Variants in ACE observed in about 807,000 individuals in gnomAD.
The protein encoded by ACE is angiotensin I converting enzyme.
ACE carries 122 observed loss-of-function variants against 162.3 expected under a neutral mutation model. That is an observed-to-expected ratio of 0.75 (90% CI 0.65 to 0.87). The LOEUF is 0.87. ACE is among the 40% of genes least tolerant of loss of function. The pLI, the probability that ACE is intolerant of heterozygous loss-of-function variation, is 0.00. For synonymous variants in ACE, 796 were observed against 720.6 expected (o/e 1.10, Z -1.68); for missense variants, 1,799 against 1,735.1 (o/e 1.04, Z -0.65).
Position 63,483,508 on chromosome 17 carries a change from C to G in ACE, c.1536C>G (p.His512Gln). The change falls in exon 10 of 25, where the codon CAC becomes CAG. Residue 512 changes from histidine to glutamine, a missense_variant. Physicochemically the swap from His to Gln is conservative, Grantham distance 24. Transcript: ENST00000290866. ...CTCCTGTTACCCGAAACGAAACCCA[C>G]TTTGATGCTGGAGCTAAGTTTCATG... ...ICPPVTRNETHFDAGAKFHVP... is the reference protein window; with the variant it reads ...ICPPVTRNETQFDAGAKFHVP... 6.2e-7 allele frequency: 1 copy of G among 1,614,186 alleles called. No individual in the cohort carries two copies. The highest frequency in any genetic ancestry group is 8.5e-7 in the Non-Finnish European group (1 of 1,180,048).
At chr17:63,496,027 A>G (rs905481054) in intron 22 of ACE, 3 of 344,888 alleles carry the variant, frequency 8.7e-6, no homozygotes, top group Non-Finnish European at 1.1e-5. Context: ...CACACGGCCC[A>G]TTTGGCCACA....
chr17:63,495,027 G>C (rs2030643357), intron 22 of ACE, among the ~76,000 whole-genome samples: 1 of 152,140 alleles, frequency 6.6e-6, no homozygotes, highest in Admixed American at 6.5e-5. Context: ...CTCAATTTCT[G>C]TGAGCTTCCA....
chr17:63,492,617 C>T (rs1394824687), intron 19 of ACE, among the ~76,000 whole-genome samples: 2 of 152,216 alleles, frequency 1.3e-5, no homozygotes, highest in Non-Finnish European at 2.9e-5. Context: ...CTGGGCAGCT[C>T]TTCCTTCCCC....
intron 22 of ACE, 130 bp downstream of exon 22, chr17:63,494,600 A>G: frequency 2.5e-6 from 2 of 811,778 alleles, no homozygotes; most frequent in Non-Finnish European, 2.1e-6. Context: ...CGCACGGTGC[A>G]GGTGCCTGGG....
rs1023118441 is a variant in ACE at position 63,497,981 on chromosome 17, C to G, written c.*615C>G. 2 of 196,254 alleles carry G rather than the reference C, an allele frequency of 1.0e-5. No individual in the cohort carries two copies. The highest frequency in any genetic ancestry group is 2.4e-5 in the African/African-American group (1 of 42,164). The allele number at this position is 196,254 out of a possible 1,614,324, so 12.2% of individuals were successfully genotyped here. ...CCAGGGGAAGGCTTCCGGCTGTTATCGGCTGCCTCAGGGGGCGAGTACCTT... is the reference window on the plus strand; with the variant it reads ...CCAGGGGAAGGCTTCCGGCTGTTATGGGCTGCCTCAGGGGGCGAGTACCTT... On this transcript the variant is annotated 3_prime_UTR_variant, in exon 25 of 25. Transcript: ENST00000290866.
Position 63,483,108 on chromosome 17 carries a change from G to A in ACE, c.1422G>A (p.Trp474Ter). 3 of 1,614,130 alleles carry A rather than the reference G, an allele frequency of 1.9e-6. No homozygotes were observed. The highest frequency in any genetic ancestry group is 2.5e-6 in the Non-Finnish European group (3 of 1,180,034). ...CCTTTGGCTACTTGGTGGACCAGTG[G>A]CGCTGGGGGGTCTTTAGTGGGCGTA... ...FLPFGYLVDQ[W>*]RWGVFSGRTP... The change falls in exon 9 of 25, where the codon TGG (tryptophan) becomes TGA (stop). Residue 474 changes from tryptophan to a stop codon, truncating the protein, a stop_gained. Coordinates refer to ENST00000290866, the MANE Select transcript of ACE (RefSeq NM_000789.4). LOFTEE classifies it high-confidence loss of function.
chr17:63,478,848 T>C (rs1041416479), intron 2 of ACE, 159 bp from the exon 3 acceptor site: 2 of 688,394 alleles, frequency 2.9e-6, no homozygotes, highest in Non-Finnish European at 5.3e-6. Context: ...AGTGATCCGG[T>C]CACACTAAGT....
In ACE at chr17:63,490,959, A is replaced by AT; in HGVS notation, c.2648dup (p.Met883IlefsTer11). The AT allele has an allele frequency of 6.2e-7, 1 of 1,614,120 alleles. No homozygotes were observed. The highest frequency in any genetic ancestry group is 8.5e-7 in the Non-Finnish European group (1 of 1,179,982). On this transcript the variant is annotated frameshift_variant, in exon 18 of 25. Coordinates refer to ENST00000290866, the MANE Select transcript of ACE (RefSeq NM_000789.4). LOFTEE classifies it high-confidence loss of function. ...TCCCCCACACTCGCCTCCAGGGAAC[A>AT]TGTGGGCGCAGACCTGGTCCAACAT...
Position 63,484,530 on chromosome 17 carries a change from C to T in ACE, c.1910C>T (p.Pro637Leu), listed in dbSNP as rs767112824. 1.4e-5 allele frequency: 23 copies of T among 1,611,382 alleles called. No individual in the cohort carries two copies. The East Asian group carries it at 2.9e-4, about 20-fold the overall frequency. ...QWHPPLPDNY[P>L]EGIDLVTDEA... ...CACCCGCCGTTGCCTGACAACTACC[C>T]GGAGGGCATAGGTAAAGCCCTGAGT... The change falls in exon 12 of 25, where the codon CCG becomes CTG. Residue 637 changes from proline (P) to leucine (L), a missense_variant. Pro to Leu is a moderately conservative substitution (Grantham distance 98, BLOSUM62 -3). Coordinates refer to ENST00000290866, the MANE Select transcript of ACE (RefSeq NM_000789.4). This position sits in a 1 kb window ranked among gnomAD's most constrained non-coding sequence, Gnocchi z 4.0.
intron 1 of ACE, 173 bp from the exon 2 acceptor site, chr17:63,477,758 C>G (rs1168795526): frequency 4.0e-6 from 3 of 745,914 alleles, no homozygotes; most frequent in Non-Finnish European, 6.5e-6. Flanking sequence ...AGATTCCCTC[C>G]AGAAGGAGGA....
intron 5 of ACE, among the ~76,000 whole-genome samples, 184 bp from the exon 6 acceptor site, chr17:63,480,907 G>A (rs776583781): frequency 2.0e-5 from 3 of 152,236 alleles, no homozygotes; most frequent in Non-Finnish European, 4.4e-5. Flanking sequence ...GCAGCCCCAG[G>A]ACATGTGGCC....
Position 63,493,430 on chromosome 17 carries a change from TC to T in ACE, c.2913-4del. Reference sequence around the variant, plus strand: ...AACACCCTCTCCCCCACTCCACTATTCCTAGGATCAAGCAGTGCACCACCGT... The same window carrying T: ...AACACCCTCTCCCCCACTCCACTATTCTAGGATCAAGCAGTGCACCACCGT... On this transcript the variant is annotated splice_polypyrimidine_tract_variant and splice_region_variant and intron_variant, in intron 19 of 24. Transcript: ENST00000290866. The T allele has an allele frequency of 2.5e-6, 4 of 1,613,688 alleles. No homozygotes were observed. The highest frequency in any genetic ancestry group is 2.5e-6 in the Non-Finnish European group (3 of 1,179,832).
At position 63,483,567 on chromosome 17, in the gene ACE, G is replaced by GCGGGGGCCCGCCCCCCC; in HGVS notation, c.1586+10_1586+11insGGGGGCCCGCCCCCCCC. 6.3e-7 allele frequency: 1 copy of GCGGGGGCCCGCCCCCCC among 1,589,582 alleles called. No individual in the cohort carries two copies. Among genetic ancestry groups the GCGGGGGCCCGCCCCCCC allele is most frequent in the Non-Finnish European group, 8.6e-7 (1 of 1,165,688 alleles). ...GTGACACCATACATCAGGTATTAGC[G>GCGGGGGCCCGCCCCCCC]CCCCCACCCCACCCACCCCCAGTAC... On this transcript the variant is annotated intron_variant, in intron 10 of 24. Transcript: ENST00000290866.
In ACE at chr17:63,484,038, G is replaced by A; in HGVS notation, c.1709+67G>A. On this transcript the variant is annotated intron_variant, in intron 11 of 24. Coordinates refer to ENST00000290866, the MANE Select transcript of ACE (RefSeq NM_000789.4). This position sits in a 1 kb window ranked among gnomAD's most constrained non-coding sequence, Gnocchi z 4.0. ...GCGGCTGGCAAAGGGTGTGGCAGGA[G>A]GTGTCTGGCTGCTCTGATGGGGTGG... 4 of 1,548,858 alleles carry A rather than the reference G, an allele frequency of 2.6e-6. No individual in the cohort carries two copies. Among genetic ancestry groups the A allele is most frequent in the Non-Finnish European group, 2.6e-6 (3 of 1,150,046 alleles).
At chr17:63,485,502 C>A (rs540515041) in intron 13 of ACE, 130 bp downstream of exon 13, 2 of 1,374,772 alleles carry the variant, frequency 1.5e-6, no homozygotes, top group South Asian at 2.5e-5. Flanking sequence ...AATTTCGGGC[C>A]GGGCGCGGTG....
chr17:63,495,228 C>G (rs914297679), intron 22 of ACE, among the ~76,000 whole-genome samples: 2 of 152,220 alleles, frequency 1.3e-5, no homozygotes, highest in Admixed American at 6.5e-5. Context: ...CAGCCCCTCT[C>G]CTTCTGTGTG....
intron 22 of ACE, among the ~76,000 whole-genome samples, chr17:63,495,204 G>A (rs1323426983): frequency 6.6e-6 from 1 of 152,232 alleles, no homozygotes; most frequent in Non-Finnish European, 1.5e-5. Context: ...GGCCACAGAT[G>A]AGTGTGCCCA....
Position 63,477,281 on chromosome 17 carries a change from C to T in ACE, c.187C>T (p.Gln63Ter), listed in dbSNP as rs1278390159. ...YNSSAEQVLFQSVAASWAHDT... is the reference protein window; with the variant it reads ...YNSSAEQVLF Reference sequence around the variant, plus strand: ...CTCCAGCGCCGAACAGGTGCTGTTCCAGAGCGTGGCCGCCAGCTGGGCGCA... The same window carrying T: ...CTCCAGCGCCGAACAGGTGCTGTTCTAGAGCGTGGCCGCCAGCTGGGCGCA... The change falls in exon 1 of 25, where the codon CAG becomes TAG. Residue 63 changes from glutamine (Q) to a stop codon, truncating the protein, a stop_gained. Coordinates refer to ENST00000290866, the MANE Select transcript of ACE (RefSeq NM_000789.4). LOFTEE classifies it high-confidence loss of function. 1 of 1,462,846 alleles carries T rather than the reference C, an allele frequency of 6.8e-7. No homozygotes were observed. The highest frequency in any genetic ancestry group is 9.1e-7 in the Non-Finnish European group (1 of 1,103,866). 90.6% of individuals were successfully genotyped at this position (1,462,846 alleles called of 1,614,324 possible).
Position 63,480,469 on chromosome 17 carries a change from A to G in ACE, c.788A>G (p.His263Arg). ...NLHAFVRRAL[H>R]RRYGDRYINL... The stretch of plus-strand genomic sequence containing the variant: ...CATGCCTTCGTCCGCCGCGCACTGC[A>G]TCGCCGATACGGAGACAGATACATC... The change falls in exon 5 of 25, where the codon CAT becomes CGT. Residue 263 changes from histidine (H) to arginine (R), a missense_variant. His to Arg is a conservative substitution (Grantham distance 29, BLOSUM62 0). Coordinates refer to ENST00000290866, the MANE Select transcript of ACE (RefSeq NM_000789.4). 6.2e-7 allele frequency: 1 copy of G among 1,614,088 alleles called. No homozygotes were observed. The highest frequency in any genetic ancestry group is 8.5e-7 in the Non-Finnish European group (1 of 1,180,022).
Sources: gnomAD v4.1 joint callset for allele counts (sites outside exome capture counted in the v4.1 genomes callset) on GRCh38, gnomAD v4.1.1 for gene constraint, Gnocchi (gnomAD v3.1) non-coding constraint, MANE v1.5 for transcripts, NCBI Gene and HGNC (gene_info 2026-07-23, HGNC 2026-07-21) for gene names.